Variants in CNTN4 observed in about 807,000 individuals in gnomAD.
The protein encoded by CNTN4 is contactin 4, also known as contactin-4.
CNTN4 carries 77 observed loss-of-function variants against 122.5 expected under a neutral mutation model. That is an observed-to-expected ratio of 0.63 (90% confidence interval 0.52 to 0.76). The LOEUF is 0.76. Among genes scored for constraint, CNTN4 ranks in the 30% least tolerant of loss-of-function variants. The pLI is 0.00. For missense variants in CNTN4, 1,256 were observed against 1,259.1 expected, an observed-to-expected ratio of 1.00 and a Z score of 0.04; for synonymous variants, 512 against 447.0, an observed-to-expected ratio of 1.15 and a Z score of -1.83.
intron 3 of CNTN4, among the ~76,000 whole-genome samples, chr3:2,441,692 A>G (rs2048446804): frequency 6.6e-6 from 1 of 152,130 alleles, no homozygotes; most frequent in Non-Finnish European, 1.5e-5. Flanking sequence ...AATTGCTGGT[A>G]ATTGTCTATA....
intron 13 of CNTN4, among the ~76,000 whole-genome samples, chr3:2,930,835 C>T (rs762640123): frequency 2.0e-5 from 3 of 152,172 alleles, no homozygotes; most frequent in South Asian, 2.1e-4. Flanking sequence ...ACCTAGCTAG[C>T]CCTCACGGTG....
intron 9 of CNTN4, among the ~76,000 whole-genome samples, chr3:2,885,677 TAGAG>T (rs2093966143): frequency 6.6e-6 from 1 of 152,314 alleles, no homozygotes; most frequent in South Asian, 2.1e-4. Flanking sequence ...ATAACCAACT[TAGAG>T]GGAACACCAG....
intron 12 of CNTN4, among the ~76,000 whole-genome samples, chr3:2,905,397 C>T (rs974775192): frequency 2.0e-5 from 3 of 152,188 alleles, no homozygotes; most frequent in African/African-American, 4.8e-5. Context: ...TTCTGGGTTG[C>T]AGACTGCCAA....
intron 3 of CNTN4, among the ~76,000 whole-genome samples, chr3:2,508,650 G>C (rs1189682974): frequency 6.6e-6 from 1 of 152,146 alleles, no homozygotes; most frequent in Non-Finnish European, 1.5e-5. Context: ...CCAAAGAGAT[G>C]CCGTTTCTTG....
chr3:3,008,505 G>T (rs946045045), intron 14 of CNTN4, among the ~76,000 whole-genome samples: 1 of 152,220 alleles, frequency 6.6e-6, no homozygotes, highest in Admixed American at 6.5e-5. Context: ...AGTAAAATAT[G>T]TAGCACTTTT....
intron 20 of CNTN4, 134 bp from the exon 21 acceptor site, chr3:3,042,175 CA>C: frequency 1.4e-6 from 1 of 721,158 alleles, no homozygotes; most frequent in Non-Finnish European, 2.5e-6. Flanking sequence ...TGCCCCTCTG[CA>C]AAATGAGGGT....
intron 3 of CNTN4, among the ~76,000 whole-genome samples, chr3:2,517,402 C>T (rs545363858): frequency 1.3e-5 from 2 of 152,166 alleles, no homozygotes; most frequent in South Asian, 4.1e-4. Flanking sequence ...TTTCTGATCC[C>T]CCACTCCTCC....
intron 23 of CNTN4, among the ~76,000 whole-genome samples, chr3:3,050,279 A>T (rs1474243601): frequency 6.6e-6 from 1 of 151,230 alleles, no homozygotes; most frequent in Admixed American, 6.5e-5. Flanking sequence ...TTAAATGTTC[A>T]TGTCTAACTC....
At chr3:2,274,254 G>A (rs1017579160) in intron 2 of CNTN4, among the ~76,000 whole-genome samples, 6 of 152,236 alleles carry the variant, frequency 3.9e-5, no homozygotes, top group African/African-American at 1.4e-4. Flanking sequence ...GTGGTGGTGG[G>A]TGCGTGTAAT....
chr3:2,986,753 C>G (rs1300997241), intron 13 of CNTN4, among the ~76,000 whole-genome samples: 1 of 152,136 alleles, frequency 6.6e-6, no homozygotes, highest in African/African-American at 2.4e-5. Flanking sequence ...AACGTATTAC[C>G]GATTTTTCCC....
intron 2 of CNTN4, among the ~76,000 whole-genome samples, chr3:2,309,076 T>C (rs953512888): frequency 2.6e-5 from 4 of 152,156 alleles, no homozygotes; most frequent in Non-Finnish European, 5.9e-5. Context: ...TCAACTATTA[T>C]TGTTGAATTT....
At chr3:2,328,664 G>GAA (rs11418151) in intron 2 of CNTN4, among the ~76,000 whole-genome samples, 15 of 147,318 alleles carry the variant, frequency 1.0e-4, no homozygotes, top group Admixed American at 3.4e-4. Context: ...ATAATGTTTG[G>GAA]AAAAAAAAAA....
At chr3:2,368,420 T>C (rs1027851247) in intron 3 of CNTN4, among the ~76,000 whole-genome samples, 2 of 152,122 alleles carry the variant, frequency 1.3e-5, no homozygotes, top group Admixed American at 1.3e-4. Context: ...TGTCTAGCCA[T>C]TTACGTAGGT....
At chr3:2,211,746 G>A (rs572000301) in intron 2 of CNTN4, among the ~76,000 whole-genome samples, 11 of 152,114 alleles carry the variant, frequency 7.2e-5, no homozygotes, top group East Asian at 1.9e-4. Flanking sequence ...ATGGCCAGCC[G>A]TGACGTGACT....
At chr3:2,541,005 G>A (rs1036559930) in intron 3 of CNTN4, among the ~76,000 whole-genome samples, 42 of 152,092 alleles carry the variant, frequency 2.8e-4, no homozygotes, top group Non-Finnish European at 5.4e-4. Context: ...TAAACGGAGG[G>A]TTATGAGATT....
At chr3:3,010,878 G>A (rs999650782) in intron 14 of CNTN4, among the ~76,000 whole-genome samples, 1 of 152,136 alleles carries the variant, frequency 6.6e-6, no homozygotes, top group Admixed American at 6.5e-5. Flanking sequence ...CTAAATCTAT[G>A]TTCAGCATCA....
At chr3:2,705,834 ATAATATATAATATATAATATATGTGT>A (rs1388863207) in intron 4 of CNTN4, among the ~76,000 whole-genome samples, 106 of 103,980 alleles carry the variant, frequency 1.0e-3, no homozygotes, top group African/African-American at 4.3e-3. Context: ...ATAAATATAT[ATAATATATAATATATAATATATGTGT>A]TTATATATAA....
chr3:2,594,229 G>T (rs1016890944), intron 4 of CNTN4, among the ~76,000 whole-genome samples: 2 of 8,294 alleles, frequency 2.4e-4, no homozygotes, highest in Admixed American at 2.7e-3. Context: ...TGGAGAAACT[G>T]GTTTTTTTTT....
chr3:2,808,414 TA>T (rs2150120053), intron 6 of CNTN4, among the ~76,000 whole-genome samples: 1 of 152,342 alleles, frequency 6.6e-6, no homozygotes, highest in African/African-American at 2.4e-5. Context: ...CTGCTAATTT[TA>T]ATTTTCATTG....
Sources: allele counts gnomAD v4.1 joint callset (sites outside exome capture counted in the v4.1 genomes callset), GRCh38; gene constraint gnomAD v4.1.1; transcripts MANE v1.5; gene names NCBI Gene and HGNC (gene_info 2026-07-23, HGNC 2026-07-21).